The following PEX5L variants were observed in gnomAD, a reference collection of about 807,000 sequenced individuals.
The protein encoded by PEX5L is PEX5-related protein.
A neutral mutation model predicts 84.0 loss-of-function variants in PEX5L; 30 were observed. That is an observed-to-expected ratio of 0.36 (90% CI 0.27 to 0.48). The LOEUF (loss-of-function observed/expected upper bound fraction) is 0.48. Ranked by LOEUF, PEX5L falls within the 20% of genes least tolerant of loss-of-function variation. The pLI is 0.99. For synonymous variants in PEX5L, 270 were observed against 283.1 expected, an observed-to-expected ratio of 0.95 and a Z score of 0.46; for missense variants, 533 against 754.6, an observed-to-expected ratio of 0.71 and a Z score of 3.44.
At chr3:179,869,472 AATTT>A (rs1749522978) in intron 7 of PEX5L, among the ~76,000 whole-genome samples, 1 of 152,200 alleles carries the variant, frequency 6.6e-6, no homozygotes, top group African/African-American at 2.4e-5. Flanking sequence ...GAGATTATAT[AATTT>A]ATTATCACCT....
intron 2 of PEX5L, among the ~76,000 whole-genome samples, chr3:179,966,515 T>C (rs558907961): frequency 6.6e-6 from 1 of 152,280 alleles, no homozygotes; most frequent in Non-Finnish European, 1.5e-5. Context: ...TTTTACTATT[T>C]GTGAGTCTGA....
Position 179,874,225 on chromosome 3 carries a change from C to T in PEX5L, c.726+102G>A, listed in dbSNP as rs564717991. 65 of 648,754 alleles carry T rather than the reference C, an allele frequency of 1.0e-4. No individual in the cohort carries two copies. In the African/African-American group the frequency reaches 1.1e-3, roughly 11 times the overall value. 40.2% of individuals were successfully genotyped at this position (648,754 alleles called of 1,614,324 possible). A position where few individuals can be genotyped will look rare whatever the true frequency, so the allele number is the denominator to read the frequency against. ...GAAACAGCACATGAAACGCAATGTACAAAAAATACTTCAAACTTTTTGTAC... is the reference window on the plus strand; with the variant it reads ...GAAACAGCACATGAAACGCAATGTATAAAAAATACTTCAAACTTTTTGTAC... On this transcript the variant is annotated intron_variant, in intron 7 of 14. Coordinates refer to ENST00000467460, the MANE Select transcript of PEX5L (RefSeq NM_016559.3).
Position 179,803,465 on chromosome 3 carries a change from G to A in PEX5L, c.1677-1433C>T, listed in dbSNP as rs570612190. On this transcript the variant is annotated intron_variant, in intron 14 of 14. Coordinates refer to ENST00000467460, the MANE Select transcript of PEX5L (RefSeq NM_016559.3). Reference sequence around the variant, plus strand: ...GAGAACACCAAGTCTGAGACAAGCCGAGTTAGATGCTGTCTGAAGTCCTTC... The same window carrying A: ...GAGAACACCAAGTCTGAGACAAGCCAAGTTAGATGCTGTCTGAAGTCCTTC... Among the ~76,000 whole-genome samples, 22 of 152,250 alleles carry A rather than the reference G, an allele frequency of 1.4e-4. No homozygotes were observed. In the South Asian group the frequency reaches 3.1e-3, roughly 22 times the overall value.
At chr3:179,988,509 G>A (rs753148366) in intron 1 of PEX5L, among the ~76,000 whole-genome samples, 90 of 152,218 alleles carry the variant, frequency 5.9e-4, no homozygotes, top group Non-Finnish European at 1.1e-3. Flanking sequence ...ATACCCAGGA[G>A]GATTTAGTGT....
At position 179,977,339 on chromosome 3, in the gene PEX5L, T is replaced by C. The variant is rs78330048; in HGVS notation, c.22-5674A>G. Among the ~76,000 whole-genome samples the C allele has an allele frequency of 3.2e-3, 481 of 152,326 alleles. 2 individuals are homozygous for C. Among genetic ancestry groups the C allele is most frequent in the Non-Finnish European group, 5.3e-3 (360 of 68,026 alleles). ...TTTTGTGTTTAAACGCTCGTAGAGA[T>C]ACATGTTGCAGTTTTTACTTGCGAC... On this transcript the variant is annotated intron_variant, in intron 1 of 14. Coordinates refer to ENST00000467460, the MANE Select transcript of PEX5L (RefSeq NM_016559.3).
At chr3:179,951,811 TG>T (rs1314027690) in intron 2 of PEX5L, among the ~76,000 whole-genome samples, 25 of 152,210 alleles carry the variant, frequency 1.6e-4, no homozygotes, top group African/African-American at 6.0e-4. Flanking sequence ...GTTCATGCCA[TG>T]TGGTCCATGG....
At chr3:179,885,787 G>C (rs1019351995) in intron 4 of PEX5L, among the ~76,000 whole-genome samples, 1 of 152,158 alleles carries the variant, frequency 6.6e-6, no homozygotes, top group Non-Finnish European at 1.5e-5. Context: ...AATTAGAAGA[G>C]AGGCCTGGAA....
chr3:179,926,436 T>G (rs1771477906), intron 2 of PEX5L, among the ~76,000 whole-genome samples: 1 of 152,180 alleles, frequency 6.6e-6, no homozygotes, highest in African/African-American at 2.4e-5. Flanking sequence ...AGCTTTGCAG[T>G]TGCTGTCCCT....
intron 5 of PEX5L, among the ~76,000 whole-genome samples, chr3:179,878,396 C>G (rs1753148168): frequency 6.6e-6 from 1 of 152,116 alleles, no homozygotes; most frequent in African/African-American, 2.4e-5. Flanking sequence ...AAAATAGGAA[C>G]TGTTGCTGTC....
intron 8 of PEX5L, among the ~76,000 whole-genome samples, chr3:179,844,299 T>C (rs1229574445): frequency 1.3e-5 from 2 of 152,202 alleles, no homozygotes; most frequent in African/African-American, 4.8e-5. Flanking sequence ...AAAATGAAAC[T>C]TCCCTGATGA....
intron 8 of PEX5L, among the ~76,000 whole-genome samples, chr3:179,828,030 C>T (rs1731192674): frequency 6.6e-6 from 1 of 152,050 alleles, no homozygotes; most frequent in Non-Finnish European, 1.5e-5. Flanking sequence ...TTTTTCATTC[C>T]CACCATCCCC....
At chr3:179,939,421 G>A (rs1560810555) in intron 2 of PEX5L, among the ~76,000 whole-genome samples, 1 of 152,154 alleles carries the variant, frequency 6.6e-6, no homozygotes, top group Non-Finnish European at 1.5e-5. Context: ...AATTTGTATT[G>A]ATGGATATTC....
intron 2 of PEX5L, among the ~76,000 whole-genome samples, chr3:179,915,047 C>T (rs1327180151): frequency 6.6e-6 from 1 of 152,064 alleles, no homozygotes; most frequent in East Asian, 1.9e-4. Flanking sequence ...GAGAATGGAG[C>T]CAAGTTTTGC....
intron 1 of PEX5L, among the ~76,000 whole-genome samples, chr3:180,003,990 G>A (rs911569253): frequency 6.6e-6 from 1 of 152,140 alleles, no homozygotes; most frequent in Non-Finnish European, 1.5e-5. Flanking sequence ...TATACAGGAC[G>A]TCTTATGTTT....
chr3:179,960,690 T>C (rs1401051293), intron 2 of PEX5L, among the ~76,000 whole-genome samples: 1 of 152,240 alleles, frequency 6.6e-6, no homozygotes, highest in African/African-American at 2.4e-5. Flanking sequence ...AGGTTTTACA[T>C]TTTTAGCTTA....
At chr3:179,879,829 C>T in intron 5 of PEX5L, 100 bp downstream of exon 5, 4 of 786,798 alleles carry the variant, frequency 5.1e-6, no homozygotes, top group African/African-American at 1.7e-5. Flanking sequence ...GCCTTTTCTA[C>T]TCCTTTGTTC....
At chr3:180,006,451 C>T (rs2110445328) in intron 1 of PEX5L, among the ~76,000 whole-genome samples, 1 of 151,950 alleles carries the variant, frequency 6.6e-6, no homozygotes, top group South Asian at 2.1e-4. Context: ...GGAAGAGAAA[C>T]ATACCTATTG....
intron 8 of PEX5L, among the ~76,000 whole-genome samples, chr3:179,824,768 A>G (rs1433903139): frequency 3.3e-5 from 5 of 151,748 alleles, no homozygotes; most frequent in African/African-American, 9.7e-5. Context: ...GAAAACCACT[A>G]TGCAAGTTTG....
intron 2 of PEX5L, among the ~76,000 whole-genome samples, chr3:179,934,064 T>C (rs753101933): frequency 1.3e-5 from 2 of 152,234 alleles, no homozygotes; most frequent in Non-Finnish European, 2.9e-5. Context: ...CGAATTTGGC[T>C]TGGCGATTGA....
Sources: allele counts gnomAD v4.1 joint callset (sites outside exome capture counted in the v4.1 genomes callset), GRCh38; gene constraint gnomAD v4.1.1; transcripts MANE v1.5; gene names NCBI Gene and HGNC (gene_info 2026-07-23, HGNC 2026-07-21).